Variants in TAFA2 observed in about 807,000 individuals in gnomAD.
The protein encoded by TAFA2 is chemokine-like protein TAFA-2.
A neutral mutation model predicts 18.8 loss-of-function variants in TAFA2; 7 were observed. That is an observed-to-expected ratio of 0.37 (90% CI 0.21 to 0.70). The LOEUF is 0.70. TAFA2 is among the 30% of genes least tolerant of loss of function. The pLI is 0.53. For synonymous variants in TAFA2, 60 were observed against 54.2 expected, an observed-to-expected ratio of 1.11 and a Z score of -0.47; for missense variants, 122 against 158.1, an observed-to-expected ratio of 0.77 and a Z score of 1.23.
chr12:61,921,512 G>A (rs74528177), intron 1 of TAFA2, among the ~76,000 whole-genome samples: 10,171 of 151,536 alleles, frequency 0.067, 462 homozygotes, highest in Non-Finnish European at 0.1. Flanking sequence ...GCTGAAACAG[G>A]AGACTTTTTG....
chr12:61,870,782 AG>A (rs1874565980), intron 1 of TAFA2, among the ~76,000 whole-genome samples: 1 of 152,148 alleles, frequency 6.6e-6, no homozygotes, highest in Non-Finnish European at 1.5e-5. Context: ...CACTAGTAGA[AG>A]GGCAGGTTAG....
At chr12:62,080,470 T>C (rs531411619) in intron 1 of TAFA2, among the ~76,000 whole-genome samples, 3 of 151,996 alleles carry the variant, frequency 2.0e-5, no homozygotes, top group Non-Finnish European at 4.4e-5. Context: ...AGTTTCTTTC[T>C]ACCACATAAT....
At chr12:61,733,088 A>G (rs1316924601) in intron 4 of TAFA2, among the ~76,000 whole-genome samples, 2 of 151,838 alleles carry the variant, frequency 1.3e-5, no homozygotes, top group Non-Finnish European at 2.9e-5. Context: ...ATCTGAACTA[A>G]CATGTCCTTC....
chr12:61,844,709 T>C (rs968971886), intron 2 of TAFA2, among the ~76,000 whole-genome samples: 2 of 152,218 alleles, frequency 1.3e-5, no homozygotes, highest in South Asian at 4.1e-4. Context: ...AAGCAATAAA[T>C]AGGCTAAGAT....
chr12:62,225,987 A>G (rs7300029), intron 1 of TAFA2, among the ~76,000 whole-genome samples: 43,892 of 152,018 alleles, frequency 0.29, 6,781 homozygotes, highest in African/African-American at 0.4. Context: ...ACTACAGATG[A>G]TCTCACATAA....
intron 4 of TAFA2, among the ~76,000 whole-genome samples, chr12:61,745,414 C>T (rs1868655099): frequency 6.6e-6 from 1 of 152,020 alleles, no homozygotes; most frequent in Non-Finnish European, 1.5e-5. Context: ...CAGCAAAGCT[C>T]TCATCTCAGG....
At chr12:62,175,217 G>T (rs951285840) in intron 1 of TAFA2, among the ~76,000 whole-genome samples, 1 of 152,048 alleles carries the variant, frequency 6.6e-6, no homozygotes, top group Non-Finnish European at 1.5e-5. Flanking sequence ...CTTTGATTCT[G>T]TGAAAAGCTG....
chr12:62,167,317 G>C (rs2062447490), intron 1 of TAFA2, among the ~76,000 whole-genome samples: 1 of 152,050 alleles, frequency 6.6e-6, no homozygotes, highest in African/African-American at 2.4e-5. Context: ...TAAAAAGCAA[G>C]CTTTAAAAAC....
intron 1 of TAFA2, among the ~76,000 whole-genome samples, chr12:61,922,460 G>A (rs1183695924): frequency 6.6e-6 from 1 of 152,194 alleles, no homozygotes; most frequent in Non-Finnish European, 1.5e-5. Context: ...GCGAGCAGGA[G>A]CAGGGTAGGG....
intron 1 of TAFA2, among the ~76,000 whole-genome samples, chr12:62,127,057 A>C (rs1870490819): frequency 6.6e-6 from 1 of 152,120 alleles, no homozygotes; most frequent in Admixed American, 6.6e-5. Context: ...ACACTTCTTA[A>C]GTAAGTTGAA....
chr12:61,869,748 G>A (rs1007856286), intron 1 of TAFA2, among the ~76,000 whole-genome samples: 17 of 152,076 alleles, frequency 1.1e-4, no homozygotes, highest in African/African-American at 2.2e-4. Flanking sequence ...TAAATCTTCC[G>A]TTCTATTGCC....
chr12:62,252,860 C>T (rs1296271863), intron 1 of TAFA2: 2 of 152,192 alleles, frequency 1.3e-5, no homozygotes, highest in African/African-American at 2.4e-5. Flanking sequence ...TGAGATCAAA[C>T]ACTCCATAAG....
intron 2 of TAFA2, among the ~76,000 whole-genome samples, chr12:61,834,602 G>A (rs1009542313): frequency 6.6e-6 from 1 of 151,848 alleles, no homozygotes; most frequent in Admixed American, 6.6e-5. Flanking sequence ...TTTTGCTAAA[G>A]GGTCAACACA....
intron 1 of TAFA2, among the ~76,000 whole-genome samples, chr12:62,056,858 A>G (rs974182733): frequency 8.5e-5 from 13 of 152,310 alleles, no homozygotes; most frequent in African/African-American, 3.1e-4. Context: ...ACAAAAAAAG[A>G]TGGGGGCCCG....
intron 2 of TAFA2, among the ~76,000 whole-genome samples, chr12:61,858,611 T>A (rs1873986833): frequency 6.6e-6 from 1 of 152,148 alleles, no homozygotes; most frequent in South Asian, 2.1e-4. Context: ...TGCATTTATA[T>A]GTTTTTCCAT....
At chr12:62,129,408 C>T (rs1048476733) in intron 1 of TAFA2, among the ~76,000 whole-genome samples, 1 of 151,982 alleles carries the variant, frequency 6.6e-6, no homozygotes. Flanking sequence ...ACTGTTATGA[C>T]ATAAGAATCA....
At chr12:62,123,781 T>TACACACACACACACACACACAC (rs71083977) in intron 1 of TAFA2, among the ~76,000 whole-genome samples, 1,576 of 132,732 alleles carry the variant, frequency 0.012, 28 homozygotes, top group African/African-American at 0.019. Context: ...ACCACACACA[T>TACACACACACACACACACACAC]ACACACACAC....
intron 1 of TAFA2, among the ~76,000 whole-genome samples, chr12:62,030,632 G>A (rs967266370): frequency 6.6e-6 from 1 of 152,166 alleles, no homozygotes; most frequent in Non-Finnish European, 1.5e-5. Context: ...ACCTTAGGGA[G>A]AGCCAGTTGT....
intron 1 of TAFA2, among the ~76,000 whole-genome samples, chr12:61,992,069 C>A (rs1318252357): frequency 3.3e-5 from 5 of 152,136 alleles, no homozygotes; most frequent in African/African-American, 1.2e-4. Flanking sequence ...CTCTACTAAA[C>A]CCCCTAGCTC....
Sources: allele counts gnomAD v4.1 joint callset (sites outside exome capture counted in the v4.1 genomes callset), GRCh38; gene constraint gnomAD v4.1.1; transcripts MANE v1.5; gene names NCBI Gene and HGNC (gene_info 2026-07-23, HGNC 2026-07-21).